The following ROCK1 variants were observed in gnomAD, a reference collection of about 807,000 sequenced individuals.
ROCK1 encodes Rho associated coiled-coil containing protein kinase 1.
Under a neutral mutation model 196.8 loss-of-function variants are expected in ROCK1, and 36 were observed. The ratio of observed to expected loss-of-function variants is 0.18; its 90% CI spans 0.14 to 0.24. The LOEUF (loss-of-function observed/expected upper bound fraction) is 0.24. Ranked by LOEUF, ROCK1 falls within the 10% of genes least tolerant of loss-of-function variation. ROCK1 has a pLI of 1.00. For missense variants in ROCK1, 920 were observed against 1,562.0 expected (o/e 0.59, Z 6.93); for synonymous variants, 443 against 515.9 (o/e 0.86, Z 1.91).
At chr18:21,016,369 A>C (rs752244545) in intron 12 of ROCK1, among the ~76,000 whole-genome samples, 2 of 152,160 alleles carry the variant, frequency 1.3e-5, no homozygotes, top group African/African-American at 2.4e-5. Context: ...AGGATCCCTA[A>C]ACTCCGTCAT....
intron 1 of ROCK1, among the ~76,000 whole-genome samples, chr18:21,075,951 CAA>C (rs1286047222): frequency 3.8e-4 from 25 of 65,002 alleles, no homozygotes; most frequent in Admixed American, 5.6e-4. Context: ...GACTCTGTCT[CAA>C]AAAAAAAAAA....
intron 13 of ROCK1, 137 bp downstream of exon 13, chr18:21,015,294 T>A: frequency 1.5e-6 from 1 of 679,742 alleles, no homozygotes; most frequent in Non-Finnish European, 2.7e-6. Flanking sequence ...AGTTCCAAGG[T>A]GAGGCTTTCA....
chr18:20,976,734 T>A (rs1436335118), intron 22 of ROCK1, among the ~76,000 whole-genome samples: 1 of 152,238 alleles, frequency 6.6e-6, no homozygotes, highest in African/African-American at 2.4e-5. Context: ...TTATCTTTTA[T>A]CTGCATTCTA....
At chr18:21,020,394 A>C (rs920423388) in intron 11 of ROCK1, among the ~76,000 whole-genome samples, 155 bp from the exon 12 acceptor site, 3 of 152,318 alleles carry the variant, frequency 2.0e-5, no homozygotes, top group African/African-American at 7.2e-5. Context: ...TAATTTAACA[A>C]GCACTTTCTT....
intron 29 of ROCK1, among the ~76,000 whole-genome samples, chr18:20,955,888 A>C (rs2035237104): frequency 6.6e-6 from 1 of 151,366 alleles, no homozygotes; most frequent in African/African-American, 2.4e-5. Context: ...TGAAGAGACA[A>C]AATTATGGAG....
chr18:21,076,925 G>A (rs1407492637), intron 1 of ROCK1, among the ~76,000 whole-genome samples: 1 of 149,798 alleles, frequency 6.7e-6, no homozygotes, highest in Non-Finnish European at 1.5e-5. Flanking sequence ...CAGTTTACTT[G>A]CTCTTGTCCC....
chr18:21,034,555 G>A (rs1317429807), intron 9 of ROCK1, among the ~76,000 whole-genome samples: 1 of 152,148 alleles, frequency 6.6e-6, no homozygotes, highest in Admixed American at 6.5e-5. Flanking sequence ...GGAAAGGACA[G>A]TCCTTTCAAC....
At chr18:21,099,616 G>A (rs767527772) in intron 1 of ROCK1, among the ~76,000 whole-genome samples, 63 of 152,198 alleles carry the variant, frequency 4.1e-4, no homozygotes, top group Middle Eastern at 3.4e-3. Context: ...ATGGTAACAC[G>A]TGCCTATAGT....
intron 16 of ROCK1, among the ~76,000 whole-genome samples, chr18:20,997,423 G>A (rs975762690): frequency 1.9e-4 from 29 of 152,038 alleles, no homozygotes; most frequent in African/African-American, 6.8e-4. Context: ...AATGATAAAG[G>A]GGTCAATTCA....
At chr18:21,037,659 T>G (rs942584853) in intron 9 of ROCK1, among the ~76,000 whole-genome samples, 1 of 152,150 alleles carries the variant, frequency 6.6e-6, no homozygotes, top group Non-Finnish European at 1.5e-5. Context: ...TTAAGTATGC[T>G]AAATCTAACC....
intron 6 of ROCK1, 29 bp from the exon 7 acceptor site, chr18:21,042,738 A>T (rs538357521): frequency 6.7e-5 from 106 of 1,584,194 alleles, no homozygotes; most frequent in Non-Finnish European, 8.2e-5. Flanking sequence ...CAAATTTTGA[A>T]TTAGGATATA....
intron 10 of ROCK1, among the ~76,000 whole-genome samples, chr18:21,025,293 T>A (rs572974629): frequency 6.6e-5 from 10 of 152,360 alleles, no homozygotes; most frequent in African/African-American, 2.2e-4. Context: ...AATTCAGCTA[T>A]AATTAAGCAA....
At position 21,045,373 on chromosome 18, in the gene ROCK1, A is replaced by G; in HGVS notation, c.509T>C (p.Val170Ala). 3 of 1,613,896 alleles carry G rather than the reference A, an allele frequency of 1.9e-6. No homozygotes were observed. The highest frequency in any genetic ancestry group is 2.5e-6 in the Non-Finnish European group (3 of 1,179,946). The change falls in exon 5 of 33, where the codon GTG becomes GCG. Residue 170 changes from valine (V) to alanine (A), a missense_variant. By Grantham distance (64) the Val-to-Ala change is moderately conservative. This residue lies in a region of ROCK1 where 234 missense variants were observed against 460.7 expected (regional missense o/e 0.51). Transcript: ENST00000399799. ...DLVNLMSNYD[V>A]PEKWARFYTA... ...ATAGAATCGTGCCCATTTTTCAGGC[A>G]CATCATAGTTGCTCATTAAGTTTAC...
intron 1 of ROCK1, among the ~76,000 whole-genome samples, chr18:21,084,614 AGAATGAAACTG>A (rs1321075856): frequency 2.6e-5 from 4 of 152,224 alleles, no homozygotes; most frequent in African/African-American, 9.6e-5. Context: ...AACAAGTGTT[AGAATGAAACTG>A]GAATGAAACG....
At chr18:20,975,413 G>A (rs954668121) in intron 22 of ROCK1, among the ~76,000 whole-genome samples, 2 of 152,004 alleles carry the variant, frequency 1.3e-5, no homozygotes, top group Admixed American at 6.6e-5. Context: ...GGCTAATCAG[G>A]CTGTTAGATA....
intron 10 of ROCK1, among the ~76,000 whole-genome samples, chr18:21,027,228 C>T (rs982318677): frequency 6.6e-6 from 1 of 152,112 alleles, no homozygotes; most frequent in African/African-American, 2.4e-5. Flanking sequence ...CGTGAGCCAC[C>T]GTGCCTGGCC....
intron 2 of ROCK1, among the ~76,000 whole-genome samples, chr18:21,066,496 G>C (rs962009994): frequency 6.6e-6 from 1 of 152,056 alleles, no homozygotes; most frequent in African/African-American, 2.4e-5. Flanking sequence ...AGTAAATGAT[G>C]CTTTTTGTAT....
At chr18:20,981,774 C>T (rs1411310634) in intron 21 of ROCK1, among the ~76,000 whole-genome samples, 1 of 152,068 alleles carries the variant, frequency 6.6e-6, no homozygotes, top group Non-Finnish European at 1.5e-5. Flanking sequence ...AGAATAAGGG[C>T]TTACTCTAGG....
At chr18:21,066,880 T>C (rs1355282832) in intron 2 of ROCK1, among the ~76,000 whole-genome samples, 2 of 152,252 alleles carry the variant, frequency 1.3e-5, no homozygotes, top group Non-Finnish European at 2.9e-5. Context: ...TAAAGTTGCC[T>C]TAAACATTTT....
Sources: allele counts gnomAD v4.1 joint callset (sites outside exome capture counted in the v4.1 genomes callset), GRCh38; gene constraint gnomAD v4.1.1; regional missense constraint gnomAD v4.1.1; transcripts MANE v1.5; gene names NCBI Gene and HGNC (gene_info 2026-07-23, HGNC 2026-07-21).